Variants in MTUS2 observed in about 807,000 individuals in gnomAD.
MTUS2 encodes microtubule-associated tumor suppressor candidate 2.
A neutral mutation model predicts 114.1 loss-of-function variants in MTUS2; 40 were observed. The observed-to-expected ratio is 0.35, with a 90% CI of 0.27 to 0.46. The LOEUF is 0.46. Ranked by LOEUF, MTUS2 falls within the 20% of genes least tolerant of loss-of-function variation. The pLI is 1.00. For missense variants in MTUS2, 1,679 were observed against 1,705.4 expected (o/e 0.98, Z 0.27); for synonymous variants, 688 against 672.0 (o/e 1.02, Z -0.37).
intron 5 of MTUS2, among the ~76,000 whole-genome samples, chr13:29,228,628 G>A (rs539747793): frequency 6.6e-6 from 1 of 152,054 alleles, no homozygotes; most frequent in Non-Finnish European, 1.5e-5. Flanking sequence ...CCCTGTGTGT[G>A]TACATATATG....
intron 8 of MTUS2, among the ~76,000 whole-genome samples, chr13:29,386,923 C>T (rs1021866655): frequency 3.9e-5 from 6 of 152,168 alleles, no homozygotes; most frequent in Non-Finnish European, 7.3e-5. Context: ...AAAGGCAATT[C>T]CTCCAGCCTC....
At chr13:29,210,122 A>T in intron 5 of MTUS2, among the ~76,000 whole-genome samples, 1 of 152,006 alleles carries the variant, frequency 6.6e-6, no homozygotes, top group East Asian at 1.9e-4. Flanking sequence ...TTCATTTTTT[A>T]AAATTCTTTT....
chr13:29,205,537 G>A (rs1038186820), intron 5 of MTUS2, among the ~76,000 whole-genome samples: 1 of 152,206 alleles, frequency 6.6e-6, no homozygotes, highest in African/African-American at 2.4e-5. Context: ...CACCCAGTGT[G>A]TAGTCTTTCA....
At chr13:29,077,834 A>G (rs769413076) in intron 4 of MTUS2, among the ~76,000 whole-genome samples, 1 of 152,224 alleles carries the variant, frequency 6.6e-6, no homozygotes, top group Non-Finnish European at 1.5e-5. Context: ...CTTTATCAAT[A>G]TAATAGTAAA....
chr13:28,891,321 TG>T (rs1429879496), intron 2 of MTUS2, among the ~76,000 whole-genome samples: 1 of 152,222 alleles, frequency 6.6e-6, no homozygotes, highest in African/African-American at 2.4e-5. Flanking sequence ...CTGGTGCTTG[TG>T]GTTGCCTCTT....
intron 4 of MTUS2, among the ~76,000 whole-genome samples, chr13:29,089,973 G>A (rs1889865160): frequency 6.6e-6 from 1 of 152,176 alleles, no homozygotes; most frequent in African/African-American, 2.4e-5. Context: ...TTGCTGGGGA[G>A]CTAATGTGGT....
At chr13:28,944,795 C>T (rs555851307) in intron 2 of MTUS2, among the ~76,000 whole-genome samples, 20 of 152,272 alleles carry the variant, frequency 1.3e-4, no homozygotes, top group African/African-American at 3.4e-4. Flanking sequence ...AAACACCATT[C>T]GTGATAGGTA....
At chr13:28,985,221 G>A (rs1033681518) in intron 2 of MTUS2, among the ~76,000 whole-genome samples, 1 of 152,144 alleles carries the variant, frequency 6.6e-6, no homozygotes, top group African/African-American at 2.4e-5. Flanking sequence ...TTAACATTAA[G>A]ACAGAAAAAG....
At chr13:28,942,262 A>G (rs1297778460) in intron 2 of MTUS2, among the ~76,000 whole-genome samples, 1 of 152,192 alleles carries the variant, frequency 6.6e-6, no homozygotes, top group Non-Finnish European at 1.5e-5. Flanking sequence ...GGGAAATGCA[A>G]CGAAACCACA....
intron 5 of MTUS2, among the ~76,000 whole-genome samples, chr13:29,199,832 A>T (rs1430218059): frequency 6.6e-6 from 1 of 151,528 alleles, no homozygotes; most frequent in African/African-American, 2.4e-5. Flanking sequence ...TGGGCCTTTT[A>T]TCTTTGGTAG....
intron 7 of MTUS2, among the ~76,000 whole-genome samples, chr13:29,353,490 G>A (rs1253931144): frequency 6.6e-6 from 1 of 151,820 alleles, no homozygotes; most frequent in East Asian, 1.9e-4. Context: ...TTATACAGGT[G>A]GGGTCTTCCT....
chr13:29,491,666 A>T (rs2138972451), intron 11 of MTUS2, among the ~76,000 whole-genome samples: 1 of 121,828 alleles, frequency 8.2e-6, no homozygotes, highest in South Asian at 2.7e-4. Flanking sequence ...TGTAGTGTGT[A>T]TGCGATTGTG....
intron 8 of MTUS2, among the ~76,000 whole-genome samples, chr13:29,371,752 A>G (rs1007554246): frequency 2.0e-5 from 3 of 152,160 alleles, no homozygotes; most frequent in African/African-American, 7.2e-5. Flanking sequence ...CACTGCCAAA[A>G]GATAGGCAGG....
At chr13:29,075,267 C>T (rs2475518) in intron 4 of MTUS2, among the ~76,000 whole-genome samples, 58,352 of 149,256 alleles carry the variant, frequency 0.39, 11,457 homozygotes, top group African/African-American at 0.45. Context: ...GGTTCACTAT[C>T]CCAGAGCAGC....
chr13:29,250,126 A>G (rs1364232821), intron 5 of MTUS2, among the ~76,000 whole-genome samples: 1 of 152,176 alleles, frequency 6.6e-6, no homozygotes, highest in African/African-American at 2.4e-5. Flanking sequence ...TTAAAAAATA[A>G]TAAAATAAAA....
At chr13:29,301,953 G>A (rs925181508) in intron 6 of MTUS2, among the ~76,000 whole-genome samples, 2 of 152,098 alleles carry the variant, frequency 1.3e-5, no homozygotes, top group African/African-American at 4.8e-5. Flanking sequence ...GCTTTTGGGG[G>A]CCTATTTTAT....
At chr13:29,096,521 A>G (rs965189340) in intron 4 of MTUS2, among the ~76,000 whole-genome samples, 1 of 152,170 alleles carries the variant, frequency 6.6e-6, no homozygotes, top group Non-Finnish European at 1.5e-5. Context: ...CTAATAAACT[A>G]CCTTGTCTAT....
At chr13:29,277,563 A>G (rs1255483084) in intron 5 of MTUS2, among the ~76,000 whole-genome samples, 1 of 152,262 alleles carries the variant, frequency 6.6e-6, no homozygotes, top group East Asian at 1.9e-4. Flanking sequence ...TGATAGACAA[A>G]TAGACCAATG....
chr13:29,405,984 G>A (rs892490459), intron 8 of MTUS2, among the ~76,000 whole-genome samples: 30 of 152,014 alleles, frequency 2.0e-4, no homozygotes, highest in Middle Eastern at 3.4e-3. Context: ...CACATGATCC[G>A]CCCGCCTCAG....
Sources: gnomAD v4.1 joint callset for allele counts (sites outside exome capture counted in the v4.1 genomes callset) on GRCh38, gnomAD v4.1.1 for gene constraint, MANE v1.5 for transcripts, NCBI Gene and HGNC (gene_info 2026-07-23, HGNC 2026-07-21) for gene names.